Variants in DTYMK observed in about 807,000 individuals in gnomAD.
DTYMK encodes the protein thymidylate kinase.
A neutral mutation model predicts 20.3 loss-of-function variants in DTYMK; 20 were observed. That is an observed-to-expected ratio of 0.99 (90% confidence interval 0.69 to 1.43). The LOEUF is 1.43. Ranked by LOEUF, DTYMK falls within the 40% of genes most tolerant of loss-of-function variation. DTYMK has a pLI of 0.00. For missense variants in DTYMK, 320 were observed against 291.1 expected (o/e 1.10, Z -0.72); for synonymous variants, 148 against 124.4 (o/e 1.19, Z -1.27).
intron 3 of DTYMK, 135 bp from the exon 4 acceptor site, chr2:241,678,784 T>C (rs2069176604): frequency 2.0e-6 from 2 of 1,014,514 alleles, no homozygotes; most frequent in African/African-American, 1.6e-5. Context: ...GTGGCTCGTT[T>C]AATTTTTAGA....
chr2:241,686,606 G>A (rs1463950421), intron 1 of DTYMK, 48 bp downstream of exon 1: 4 of 1,458,246 alleles, frequency 2.7e-6, no homozygotes, highest in South Asian at 1.4e-5. Context: ...CCCCTGGGAA[G>A]GCAGAGGCAC....
chr2:241,676,609 G>C (rs996452375), intron 4 of DTYMK, among the ~76,000 whole-genome samples: 1 of 152,348 alleles, frequency 6.6e-6, no homozygotes, highest in Admixed American at 6.5e-5. Context: ...CTTGACAAGT[G>C]TCTACGGTAG....
intron 4 of DTYMK, among the ~76,000 whole-genome samples, 167 bp downstream of exon 4, chr2:241,678,285 G>A (rs962787018): frequency 6.6e-6 from 1 of 151,792 alleles, no homozygotes; most frequent in African/African-American, 2.4e-5. Context: ...AAAAAAAAAA[G>A]AATTTGCTGG....
In DTYMK at chr2:241,676,069, G is replaced by A. The variant is rs1048346759; in HGVS notation, c.*58C>T. 2.6e-6 allele frequency: 4 copies of A among 1,511,534 alleles called. No homozygotes were observed. Among genetic ancestry groups the A allele is most frequent in the Non-Finnish European group, 2.7e-6 (3 of 1,115,180 alleles). 93.6% of individuals were successfully genotyped at this position (1,511,534 alleles called of 1,614,324 possible). A position where few individuals can be genotyped will look rare whatever the true frequency, so the allele number is the denominator to read the frequency against. ...CTCTGCTGGGGACGGGGCCTTCCGCGAGTCTCCCACCTCTCGGGGGACTGC... is the reference window on the plus strand; with the variant it reads ...CTCTGCTGGGGACGGGGCCTTCCGCAAGTCTCCCACCTCTCGGGGGACTGC... On this transcript the variant is annotated 3_prime_UTR_variant, in exon 5 of 5. Coordinates refer to ENST00000305784, the MANE Select transcript of DTYMK (RefSeq NM_012145.4).
chr2:241,676,662 G>A (rs971453424), intron 4 of DTYMK, among the ~76,000 whole-genome samples: 1 of 152,222 alleles, frequency 6.6e-6, no homozygotes, highest in African/African-American at 2.4e-5. Context: ...GGAGAAACAT[G>A]ATGTGCCAAC....
intron 2 of DTYMK, among the ~76,000 whole-genome samples, chr2:241,684,226 G>A (rs969700734): frequency 3.3e-5 from 5 of 152,042 alleles, no homozygotes; most frequent in Non-Finnish European, 7.4e-5. Context: ...AGTAAAATCA[G>A]GATTATTCTT....
intron 3 of DTYMK, among the ~76,000 whole-genome samples, chr2:241,679,477 G>A (rs1223752260): frequency 6.6e-6 from 1 of 152,216 alleles, no homozygotes; most frequent in Non-Finnish European, 1.5e-5. Context: ...GAATTAAAAA[G>A]TGAGGGCGTG....
At chr2:241,678,363 A>G in intron 4 of DTYMK, 89 bp downstream of exon 4, 2 of 1,560,180 alleles carry the variant, frequency 1.3e-6, no homozygotes, top group Non-Finnish European at 1.7e-6. Flanking sequence ...AAACGGCAGC[A>G]GCTTTGCTGA....
At chr2:241,680,868 T>C (rs2069242831) in intron 2 of DTYMK, among the ~76,000 whole-genome samples, 1 of 152,026 alleles carries the variant, frequency 6.6e-6, no homozygotes, top group Non-Finnish European at 1.5e-5. Context: ...ACACAACTGG[T>C]AAAGTTCAAT....
At position 241,675,759 on chromosome 2, in the gene DTYMK, T is replaced by G; in HGVS notation, c.*368A>C. 6.3e-6 allele frequency: 1 copy of G among 159,280 alleles called. No homozygotes were observed. The highest frequency in any genetic ancestry group is 1.4e-5 in the Non-Finnish European group (1 of 72,766). The allele number at this position is 159,280 out of a possible 1,614,324, so 9.9% of individuals were successfully genotyped here. On this transcript the variant is annotated 3_prime_UTR_variant, in exon 5 of 5. Transcript: ENST00000305784. ...GTTCCACAAACAATTTTCAGGTCGT[T>G]TTTTACTAGTGTCTGGAAGACATTT...
rs757412726 is a variant in DTYMK at position 241,686,710 on chromosome 2, T to C, written c.74A>G (p.Lys25Arg). The C allele has an allele frequency of 6.5e-6, 10 of 1,544,246 alleles. No individual in the cohort carries two copies. In the South Asian group the frequency reaches 1.2e-4, roughly 18 times the overall value. The change falls in exon 1 of 5, where the codon AAG becomes AGG. Residue 25 changes from lysine (K) to arginine (R), a missense_variant. Transcript: ENST00000305784. Reference sequence around the variant, plus strand: ...CGCGGCGCACAGCGCTTCCACCAGCTTGCGGCTCTGCGTGCTCTTCCCGGC... The same window carrying C: ...CGCGGCGCACAGCGCTTCCACCAGCCTGCGGCTCTGCGTGCTCTTCCCGGC... ...DRAGKSTQSRKLVEALCAAGH... is the reference protein window; with the variant it reads ...DRAGKSTQSRRLVEALCAAGH...
intron 4 of DTYMK, among the ~76,000 whole-genome samples, chr2:241,676,752 C>T (rs915115222): frequency 3.9e-5 from 6 of 152,244 alleles, no homozygotes; most frequent in Admixed American, 6.5e-5. Context: ...TGAGGCACAG[C>T]CCACAGCACA....
At position 241,686,708 on chromosome 2, in the gene DTYMK, G is replaced by T; in HGVS notation, c.76C>A (p.Leu26Met). 1 of 1,543,752 alleles carries T rather than the reference G, an allele frequency of 6.5e-7. No homozygotes were observed. Among genetic ancestry groups the T allele is most frequent in the South Asian group, 1.2e-5 (1 of 85,268 alleles). The change falls in exon 1 of 5, where the codon CTG becomes ATG. Residue 26 changes from leucine to methionine, a missense_variant. Transcript: ENST00000305784. ...CCCGCGGCGCACAGCGCTTCCACCA[G>T]CTTGCGGCTCTGCGTGCTCTTCCCG... ...RAGKSTQSRK[L>M]VEALCAAGHR...
In DTYMK at chr2:241,676,056, C is replaced by T. The variant is rs1174382146; in HGVS notation, c.*71G>A. The T allele has an allele frequency of 6.3e-6, 9 of 1,427,170 alleles. No individual in the cohort carries two copies. Among genetic ancestry groups the T allele is most frequent in the East Asian group, 2.4e-5 (1 of 41,078 alleles). 88.4% of individuals were successfully genotyped at this position (1,427,170 alleles called of 1,614,324 possible). A position where few individuals can be genotyped will look rare whatever the true frequency, so the allele number is the denominator to read the frequency against. On this transcript the variant is annotated 3_prime_UTR_variant, in exon 5 of 5. Transcript: ENST00000305784. ...TGTGGGGTCTGGACTCTGCTGGGGA[C>T]GGGGCCTTCCGCGAGTCTCCCACCT...
chr2:241,685,535 A>G (rs1327440411), intron 2 of DTYMK: 4 of 379,278 alleles, frequency 1.1e-5, no homozygotes, highest in Non-Finnish European at 1.9e-5. Flanking sequence ...AAAAACCCGA[A>G]AAACTGAAGT....
At chr2:241,679,761 G>A (rs1183056627) in intron 3 of DTYMK, among the ~76,000 whole-genome samples, 1 of 152,074 alleles carries the variant, frequency 6.6e-6, no homozygotes, top group Non-Finnish European at 1.5e-5. Flanking sequence ...TTGAGGTCAG[G>A]AGTTTGAGAC....
At chr2:241,678,971 T>C (rs2069180711) in intron 3 of DTYMK, among the ~76,000 whole-genome samples, 1 of 152,186 alleles carries the variant, frequency 6.6e-6, no homozygotes, top group African/African-American at 2.4e-5. Flanking sequence ...ACAGTCTATG[T>C]ACAGAACCCC....
At chr2:241,681,132 A>G (rs1012085616) in intron 2 of DTYMK, among the ~76,000 whole-genome samples, 1 of 152,202 alleles carries the variant, frequency 6.6e-6, no homozygotes, top group Admixed American at 6.5e-5. Flanking sequence ...CAGATGTACA[A>G]AGACACGGGG....
chr2:241,680,739 A>G (rs2069239199), intron 2 of DTYMK, among the ~76,000 whole-genome samples: 1 of 152,180 alleles, frequency 6.6e-6, no homozygotes, highest in South Asian at 2.1e-4. Context: ...CAAGTACAGC[A>G]CAGTGATTTG....
Sources: gnomAD v4.1 joint callset for allele counts (sites outside exome capture counted in the v4.1 genomes callset) on GRCh38, gnomAD v4.1.1 for gene constraint, MANE v1.5 for transcripts, NCBI Gene and HGNC (gene_info 2026-07-23, HGNC 2026-07-21) for gene names.